Variants in CAPZA2 observed in about 807,000 individuals in gnomAD.
CAPZA2 encodes capping actin protein of muscle Z-line subunit alpha 2.
A neutral mutation model predicts 44.0 loss-of-function variants in CAPZA2; 13 were observed. The observed-to-expected ratio is 0.30, with a 90% CI of 0.19 to 0.47. CAPZA2 has a LOEUF of 0.47. CAPZA2 is among the 20% of genes least tolerant of loss of function. The pLI is 1.00. For missense variants in CAPZA2, 244 were observed against 338.6 expected (o/e 0.72, Z 2.19); for synonymous variants, 94 against 108.2 (o/e 0.87, Z 0.81).
intron 5 of CAPZA2, 105 bp downstream of exon 5, chr7:116,904,488 T>G (rs1223701921): frequency 3.9e-5 from 27 of 690,388 alleles, no homozygotes; most frequent in Non-Finnish European, 4.9e-5. Context: ...GTATAATTTG[T>G]CATTTTTTTC....
chr7:116,888,250 C>A, intron 2 of CAPZA2, 60 bp downstream of exon 2: 2 of 1,184,472 alleles, frequency 1.7e-6, no homozygotes, highest in Non-Finnish European at 2.5e-6. Context: ...TAAAAGAAAA[C>A]CAAAATAATC....
intron 3 of CAPZA2, among the ~76,000 whole-genome samples, chr7:116,895,078 A>G (rs1266041009): frequency 6.6e-6 from 1 of 151,976 alleles, no homozygotes; most frequent in Non-Finnish European, 1.5e-5. Flanking sequence ...TTTTCTTTAT[A>G]ATAATATAAA....
intron 7 of CAPZA2, 75 bp from the exon 8 acceptor site, chr7:116,911,994 T>C (rs1442358069): frequency 1.3e-6 from 2 of 1,592,828 alleles, no homozygotes; most frequent in East Asian, 2.3e-5. Flanking sequence ...TCAGTCTGCA[T>C]TGATATGCTT....
chr7:116,907,360 TA>T lies in CAPZA2; in HGVS notation c.506+1020del, dbSNP rs1386040895. 2.0e-5 allele frequency among the ~76,000 whole-genome samples: 3 copies of T among 152,210 alleles called. No homozygotes were observed. In the East Asian group the frequency reaches 5.8e-4, roughly 29 times the overall value. On this transcript the variant is annotated intron_variant, in intron 6 of 9. Transcript: ENST00000361183. ...TCATATAGAGTTACTTTTATGGACT[TA>T]ATATAAGTGTAGTTTCTCTGTGTTG...
intron 7 of CAPZA2, 120 bp downstream of exon 7, chr7:116,910,431 G>T: frequency 1.6e-6 from 1 of 613,080 alleles, no homozygotes; most frequent in Non-Finnish European, 2.9e-6. Context: ...TTTGTTTTGG[G>T]GTAATGGGAA....
In CAPZA2 at chr7:116,903,683, T is replaced by C. The variant is rs151336962; in HGVS notation, c.220-494T>C. On this transcript the variant is annotated intron_variant, in intron 4 of 9. Transcript: ENST00000361183. The stretch of plus-strand genomic sequence containing the variant: ...AATTAAAATCAGTTGTCAATGTAGT[T>C]TTTAAGAAGCAAGAAACAGATACGT... 1.0e-3 allele frequency among the ~76,000 whole-genome samples: 159 copies of C among 152,310 alleles called. 1 individual carries two copies. Among genetic ancestry groups the C allele is most frequent in the African/African-American group, 3.7e-3 (155 of 41,552 alleles).
At chr7:116,897,682 A>C (rs1241153207) in intron 3 of CAPZA2, among the ~76,000 whole-genome samples, 1 of 152,152 alleles carries the variant, frequency 6.6e-6, no homozygotes, top group African/African-American at 2.4e-5. Context: ...TTAAAAATAC[A>C]ATTTTTAGAT....
intron 1 of CAPZA2, among the ~76,000 whole-genome samples, chr7:116,863,730 G>GTGC: frequency 2.0e-5 from 3 of 152,168 alleles, no homozygotes; most frequent in Admixed American, 2.0e-4. Context: ...CTTCGTTAAA[G>GTGC]AGTGCTTCAT....
At chr7:116,899,169 G>A (rs980489825) in intron 4 of CAPZA2, among the ~76,000 whole-genome samples, 8 of 151,982 alleles carry the variant, frequency 5.3e-5, no homozygotes, top group African/African-American at 1.9e-4. Context: ...TCATAATTTG[G>A]TTGCTCTGGA....
chr7:116,877,249 A>T (rs769881563), intron 1 of CAPZA2, among the ~76,000 whole-genome samples: 1 of 152,244 alleles, frequency 6.6e-6, no homozygotes, highest in African/African-American at 2.4e-5. Flanking sequence ...ACTAAATAAT[A>T]TACCAAGAAG....
intron 4 of CAPZA2, among the ~76,000 whole-genome samples, 184 bp downstream of exon 4, chr7:116,899,019 C>T (rs899929725): frequency 2.3e-4 from 35 of 151,922 alleles, no homozygotes; most frequent in African/African-American, 8.5e-4. Context: ...AGCAGAAAGT[C>T]CCTTTTAGAA....
intron 1 of CAPZA2, among the ~76,000 whole-genome samples, chr7:116,869,604 T>C (rs990243744): frequency 6.6e-6 from 1 of 152,264 alleles, no homozygotes; most frequent in Admixed American, 6.5e-5. Flanking sequence ...CATAAAGTTA[T>C]GCATCTTATA....
At chr7:116,898,729 TTAAA>T (rs1796957109) in intron 3 of CAPZA2, 39 bp from the exon 4 acceptor site, 2 of 1,323,010 alleles carry the variant, frequency 1.5e-6, no homozygotes, top group Non-Finnish European at 2.1e-6. Context: ...TTAAAAAACA[TTAAA>T]TATATAATTT....
At chr7:116,901,880 A>AAT (rs200492773) in intron 4 of CAPZA2, among the ~76,000 whole-genome samples, 4,421 of 69,614 alleles carry the variant, frequency 0.064, 95 homozygotes, top group Middle Eastern at 0.1. Context: ...ATAACGAAGA[A>AAT]ATGTGTGTGT....
chr7:116,900,211 TTAAAA>T (rs1796978727), intron 4 of CAPZA2, among the ~76,000 whole-genome samples: 1 of 151,840 alleles, frequency 6.6e-6, no homozygotes, highest in Admixed American at 6.6e-5. Context: ...AACTAAAACA[TTAAAA>T]TAATTTTAGT....
chr7:116,908,526 A>G (rs946225523), intron 6 of CAPZA2, among the ~76,000 whole-genome samples: 17 of 152,342 alleles, frequency 1.1e-4, no homozygotes, highest in African/African-American at 4.1e-4. Flanking sequence ...CTCTACTAAT[A>G]AAAGAGTACT....
At chr7:116,894,042 C>A (rs570935716) in intron 3 of CAPZA2, among the ~76,000 whole-genome samples, 1 of 152,270 alleles carries the variant, frequency 6.6e-6, no homozygotes, top group African/African-American at 2.4e-5. Flanking sequence ...AGTTACTTTT[C>A]ATCCTAGTAT....
At chr7:116,901,880 A>T (rs1203179901) in intron 4 of CAPZA2, among the ~76,000 whole-genome samples, 2 of 69,578 alleles carry the variant, frequency 2.9e-5, no homozygotes, top group East Asian at 1.3e-3. Context: ...ATAACGAAGA[A>T]ATGTGTGTGT....
intron 1 of CAPZA2, chr7:116,875,547 T>A (rs972799704): frequency 4.6e-5 from 7 of 151,838 alleles, no homozygotes; most frequent in Admixed American, 1.3e-4. Context: ...GGGTTTTTTT[T>A]TTTTATTTTT....
Sources: allele counts gnomAD v4.1 joint callset (sites outside exome capture counted in the v4.1 genomes callset), GRCh38; gene constraint gnomAD v4.1.1; transcripts MANE v1.5; gene names NCBI Gene and HGNC (gene_info 2026-07-23, HGNC 2026-07-21).